FBXL7: variants seen among roughly 807,000 people sequenced by gnomAD.
FBXL7 encodes the protein F-box/LRR-repeat protein 7.
Under a neutral mutation model 38.3 loss-of-function variants are expected in FBXL7, and 12 were observed. That is an observed-to-expected ratio of 0.31 (90% CI 0.20 to 0.51). FBXL7 has a LOEUF of 0.51. Among genes scored for constraint, FBXL7 ranks in the 20% least tolerant of loss-of-function variants. The probability of loss-of-function intolerance (pLI) is 0.98; values close to 1 mark genes in which losing one functional copy is unlikely to be tolerated. For synonymous variants in FBXL7, 297 were observed against 300.9 expected (o/e 0.99, Z 0.13); for missense variants, 567 against 676.4 (o/e 0.84, Z 1.79).
At chr5:15,571,895 C>T (rs1738800443) in intron 1 of FBXL7, among the ~76,000 whole-genome samples, 2 of 152,202 alleles carry the variant, frequency 1.3e-5, no homozygotes, top group African/African-American at 2.4e-5. Context: ...GTGGTTCAGA[C>T]TGTGGCAAAC....
chr5:15,719,092 T>A (rs1744123745), intron 2 of FBXL7, among the ~76,000 whole-genome samples: 1 of 152,190 alleles, frequency 6.6e-6, no homozygotes, highest in Non-Finnish European at 1.5e-5. Flanking sequence ...GAAGGCCAGT[T>A]TTAAAAGAAT....
chr5:15,931,139 T>C (rs916260336), intron 3 of FBXL7, among the ~76,000 whole-genome samples: 1 of 152,244 alleles, frequency 6.6e-6, no homozygotes, highest in Non-Finnish European at 1.5e-5. Flanking sequence ...TGTATTGTTT[T>C]GTCATTATCA....
chr5:15,922,727 A>G (rs1188145170), intron 2 of FBXL7, among the ~76,000 whole-genome samples: 1 of 152,190 alleles, frequency 6.6e-6, no homozygotes, highest in African/African-American at 2.4e-5. Flanking sequence ...CCACTCATGC[A>G]TCTCACCGTC....
chr5:15,805,598 A>G (rs1737689648), intron 2 of FBXL7, among the ~76,000 whole-genome samples: 1 of 152,214 alleles, frequency 6.6e-6, no homozygotes, highest in African/African-American at 2.4e-5. Flanking sequence ...TTAGAAGTCT[A>G]TAAAAACTTC....
At chr5:15,858,591 G>A (rs1739342247) in intron 2 of FBXL7, among the ~76,000 whole-genome samples, 1 of 152,128 alleles carries the variant, frequency 6.6e-6, no homozygotes, top group Admixed American at 6.5e-5. Flanking sequence ...AGATGCTTTA[G>A]TGGGAATTAT....
intron 1 of FBXL7, among the ~76,000 whole-genome samples, chr5:15,611,276 T>G (rs948347469): frequency 1.3e-5 from 2 of 151,670 alleles, no homozygotes; most frequent in African/African-American, 4.8e-5. Context: ...TCTCCTACTA[T>G]GCACAGTGTT....
chr5:15,897,800 C>T (rs189747536), intron 2 of FBXL7, among the ~76,000 whole-genome samples: 30 of 152,116 alleles, frequency 2.0e-4, no homozygotes, highest in Non-Finnish European at 4.0e-4. Context: ...ATTCAGCAGG[C>T]AATGCAAGAT....
At chr5:15,926,329 A>G (rs1468681550) in intron 2 of FBXL7, among the ~76,000 whole-genome samples, 1 of 148,246 alleles carries the variant, frequency 6.7e-6, no homozygotes, top group African/African-American at 2.5e-5. Context: ...ATAATATCCA[A>G]TGTATATTAT....
intron 2 of FBXL7, among the ~76,000 whole-genome samples, chr5:15,830,282 G>A (rs1023445963): frequency 4.6e-5 from 7 of 152,042 alleles, no homozygotes; most frequent in African/African-American, 1.4e-4. Context: ...TCAGGAGTTC[G>A]AGACCAGCCT....
intron 2 of FBXL7, among the ~76,000 whole-genome samples, chr5:15,790,326 C>T (rs1275336924): frequency 3.3e-5 from 5 of 152,018 alleles, no homozygotes; most frequent in South Asian, 2.1e-4. Context: ...ATGCTTCCTC[C>T]GCTTTGCTTG....
At chr5:15,749,018 G>GAA (rs1736085624) in intron 2 of FBXL7, among the ~76,000 whole-genome samples, 1 of 152,074 alleles carries the variant, frequency 6.6e-6, no homozygotes, top group Admixed American at 6.5e-5. Flanking sequence ...GCTGAGTGGG[G>GAA]CAGATTACCT....
intron 2 of FBXL7, among the ~76,000 whole-genome samples, chr5:15,893,832 G>C (rs911921279): frequency 6.6e-6 from 1 of 152,180 alleles, no homozygotes; most frequent in African/African-American, 2.4e-5. Context: ...GTATTGAAGA[G>C]ACAAACTCAG....
intron 2 of FBXL7, among the ~76,000 whole-genome samples, chr5:15,726,920 T>A (rs1735419296): frequency 6.6e-6 from 1 of 152,128 alleles, no homozygotes; most frequent in African/African-American, 2.4e-5. Context: ...ATTGCATTAC[T>A]GCCTTCTTTT....
chr5:15,550,355 A>G (rs371956756), intron 1 of FBXL7, among the ~76,000 whole-genome samples: 6 of 152,234 alleles, frequency 3.9e-5, no homozygotes, highest in South Asian at 4.1e-4. Flanking sequence ...GGTAGCTGAG[A>G]TGGTGTGATT....
At chr5:15,558,216 T>C (rs17522752) in intron 1 of FBXL7, among the ~76,000 whole-genome samples, 2,097 of 152,334 alleles carry the variant, frequency 0.014, 26 homozygotes, top group Middle Eastern at 0.027. Flanking sequence ...CACAGTGGAA[T>C]ATTTTACTCA....
intron 2 of FBXL7, among the ~76,000 whole-genome samples, chr5:15,830,485 AACACAC>A (rs57825713): frequency 0.21 from 29,792 of 144,028 alleles, 3,920 homozygotes; most frequent in African/African-American, 0.36. Context: ...CTCCATCTAA[AACACAC>A]ACACACACAC....
intron 2 of FBXL7, among the ~76,000 whole-genome samples, chr5:15,816,348 A>T (rs1738014719): frequency 6.6e-6 from 1 of 152,160 alleles, no homozygotes; most frequent in African/African-American, 2.4e-5. Flanking sequence ...AGCAACTTGG[A>T]TGGAGCTGAA....
intron 1 of FBXL7, among the ~76,000 whole-genome samples, chr5:15,610,180 G>T (rs751234017): frequency 1.3e-5 from 2 of 152,192 alleles, no homozygotes; most frequent in Non-Finnish European, 2.9e-5. Flanking sequence ...GGAATTTTGG[G>T]AGCTACAATT....
chr5:15,694,984 A>G (rs1743289953), intron 2 of FBXL7, among the ~76,000 whole-genome samples: 1 of 152,206 alleles, frequency 6.6e-6, no homozygotes. Context: ...TAAAACAGAG[A>G]GCTTTAACAA....
Sources: gnomAD v4.1 joint callset for allele counts (sites outside exome capture counted in the v4.1 genomes callset) on GRCh38, gnomAD v4.1.1 for gene constraint, MANE v1.5 for transcripts, NCBI Gene and HGNC (gene_info 2026-07-23, HGNC 2026-07-21) for gene names.